The following DLG2 variants were observed in gnomAD, a reference collection of about 807,000 sequenced individuals.
DLG2 encodes the protein discs large MAGUK scaffold protein 2, also known as disks large homolog 2.
DLG2 carries 45 observed loss-of-function variants against 132.5 expected under a neutral mutation model. The observed-to-expected ratio is 0.34, with a 90% CI of 0.27 to 0.44. The LOEUF is 0.44. DLG2 is among the 20% of genes least tolerant of loss of function. DLG2 has a pLI of 1.00. For missense variants in DLG2, 1,045 were observed against 1,196.9 expected (o/e 0.87, Z 1.87); for synonymous variants, 424 against 419.6 (o/e 1.01, Z -0.13).
chr11:84,712,597 A>T (rs2060571243), intron 6 of DLG2, among the ~76,000 whole-genome samples: 1 of 152,062 alleles, frequency 6.6e-6, no homozygotes, highest in South Asian at 2.1e-4. Context: ...TGTTTGATTT[A>T]ATACTACCCA....
chr11:84,054,625 T>C (rs574889694), intron 11 of DLG2, among the ~76,000 whole-genome samples: 9 of 152,068 alleles, frequency 5.9e-5, no homozygotes, highest in African/African-American at 1.2e-4. Context: ...AATGAGATGA[T>C]TGATTCTATC....
At chr11:85,264,610 C>T (rs1156725342) in intron 4 of DLG2, among the ~76,000 whole-genome samples, 1 of 152,034 alleles carries the variant, frequency 6.6e-6, no homozygotes, top group Non-Finnish European at 1.5e-5. Flanking sequence ...AGGGCCATTG[C>T]TATGAATGGG....
In DLG2 at chr11:84,945,484, C is replaced by T. The variant is rs568041871; in HGVS notation, c.357+166177G>A. On this transcript the variant is annotated intron_variant, in intron 6 of 27. Transcript: ENST00000376104. ...GACAAAAACAACCCTCTGGCTACCA[C>T]CACTGGGACTGTGCTGGATCAGACC... Among the ~76,000 whole-genome samples the T allele has an allele frequency of 8.5e-5, 13 of 152,342 alleles. No individual in the cohort carries two copies. The South Asian group carries it at 2.7e-3, about 32-fold the overall frequency.
intron 7 of DLG2, among the ~76,000 whole-genome samples, chr11:84,443,944 T>C (rs1267602563): frequency 6.6e-6 from 1 of 152,118 alleles, no homozygotes; most frequent in African/African-American, 2.4e-5. Flanking sequence ...CTTCTAAGTT[T>C]ATAAATATTT....
intron 6 of DLG2, among the ~76,000 whole-genome samples, chr11:84,767,998 A>G (rs2068678532): frequency 6.6e-6 from 1 of 152,140 alleles, no homozygotes; most frequent in Non-Finnish European, 1.5e-5. Flanking sequence ...TGGAAGGAGA[A>G]CAATAAAGAG....
At position 83,689,189 on chromosome 11, in the gene DLG2, G is replaced by A. The variant is rs78153507; in HGVS notation, c.1826-55864C>T. On this transcript the variant is annotated intron_variant, in intron 18 of 27. Transcript: ENST00000376104. ...CAGTCTGGAGACTGAGGTCATGAAG[G>A]CTTCTGGAAGGAGAGGATGAGTCTT... Among the ~76,000 whole-genome samples the A allele has an allele frequency of 8.9e-3, 1,360 of 152,224 alleles. 14 individuals carry two copies. Among genetic ancestry groups the A allele is most frequent in the African/African-American group, 0.031 (1,285 of 41,536 alleles).
At chr11:84,346,508 T>G (rs1180493148) in intron 7 of DLG2, among the ~76,000 whole-genome samples, 1 of 152,226 alleles carries the variant, frequency 6.6e-6, no homozygotes, top group Admixed American at 6.5e-5. Flanking sequence ...GATTTGAACC[T>G]AGATCTGAAA....
At chr11:83,752,635 AC>A (rs1389614095) in intron 18 of DLG2, among the ~76,000 whole-genome samples, 1 of 152,242 alleles carries the variant, frequency 6.6e-6, no homozygotes, top group African/African-American at 2.4e-5. Context: ...TATAAAGCAC[AC>A]TTTTCCAATG....
At chr11:84,040,637 T>C (rs1228425607) in intron 11 of DLG2, among the ~76,000 whole-genome samples, 1 of 151,610 alleles carries the variant, frequency 6.6e-6, no homozygotes. Flanking sequence ...TGTAGTATAG[T>C]TTGAAGTCAG....
chr11:84,351,979 A>C (rs1266801253), intron 7 of DLG2, among the ~76,000 whole-genome samples: 3 of 152,172 alleles, frequency 2.0e-5, no homozygotes, highest in African/African-American at 7.2e-5. Flanking sequence ...ATCTTAAACA[A>C]ATTTCTTGAG....
At chr11:85,414,641 TG>T (rs752933997) in intron 3 of DLG2, among the ~76,000 whole-genome samples, 7 of 151,972 alleles carry the variant, frequency 4.6e-5, no homozygotes, top group Non-Finnish European at 1.0e-4. Context: ...TTTAATACAT[TG>T]TTTCTTTGTT....
intron 6 of DLG2, among the ~76,000 whole-genome samples, chr11:85,099,844 T>C (rs1183266322): frequency 6.6e-6 from 1 of 152,162 alleles, no homozygotes; most frequent in South Asian, 2.1e-4. Context: ...TCACAAGACA[T>C]TCACCTACTT....
intron 10 of DLG2, among the ~76,000 whole-genome samples, chr11:84,075,532 C>T (rs1292641468): frequency 1.3e-5 from 2 of 152,022 alleles, no homozygotes; most frequent in Non-Finnish European, 2.9e-5. Flanking sequence ...ATTTTGCTGC[C>T]CAAATTTGAA....
chr11:85,481,552 G>C (rs1298651412), intron 3 of DLG2, among the ~76,000 whole-genome samples: 2 of 152,112 alleles, frequency 1.3e-5, no homozygotes, highest in Non-Finnish European at 2.9e-5. Context: ...ACAAGACTTT[G>C]CCTCAGATTC....
intron 8 of DLG2, among the ~76,000 whole-genome samples, chr11:84,231,506 G>C (rs1331814993): frequency 6.6e-6 from 1 of 152,036 alleles, no homozygotes; most frequent in Non-Finnish European, 1.5e-5. Flanking sequence ...GAGATTATCA[G>C]GTACAAAATA....
intron 9 of DLG2, among the ~76,000 whole-genome samples, chr11:84,157,786 C>T (rs1318956661): frequency 6.6e-6 from 1 of 152,196 alleles, no homozygotes; most frequent in Non-Finnish European, 1.5e-5. Context: ...TGCCCTGTAC[C>T]TATGTTTAAC....
chr11:85,520,709 C>A (rs901043332), intron 3 of DLG2, among the ~76,000 whole-genome samples: 4 of 151,726 alleles, frequency 2.6e-5, no homozygotes, highest in Non-Finnish European at 5.9e-5. Context: ...AAGAAATCAA[C>A]ACACCTACAG....
At chr11:83,482,488 T>A (rs2093202011) in intron 22 of DLG2, among the ~76,000 whole-genome samples, 1 of 152,102 alleles carries the variant, frequency 6.6e-6, no homozygotes, top group African/African-American at 2.4e-5. Flanking sequence ...TTTAGTTGCT[T>A]AGTGCAATCA....
At chr11:84,504,851 G>T (rs943903777) in intron 7 of DLG2, among the ~76,000 whole-genome samples, 2 of 151,994 alleles carry the variant, frequency 1.3e-5, no homozygotes, top group African/African-American at 2.4e-5. Flanking sequence ...AAACTTGATG[G>T]CTCTTTGACT....
Sources: gnomAD v4.1 joint callset for allele counts (sites outside exome capture counted in the v4.1 genomes callset) on GRCh38, gnomAD v4.1.1 for gene constraint, MANE v1.5 for transcripts, NCBI Gene and HGNC (gene_info 2026-07-23, HGNC 2026-07-21) for gene names.